The following PNLIP variants were observed in gnomAD, a reference collection of about 807,000 sequenced individuals.
PNLIP encodes pancreatic lipase.
Under a neutral mutation model 57.1 loss-of-function variants are expected in PNLIP, and 49 were observed. The observed-to-expected ratio is 0.86, with a 90% CI of 0.68 to 1.09. The LOEUF (loss-of-function observed/expected upper bound fraction) is 1.09. Among genes scored for constraint, PNLIP ranks in the 50% least tolerant of loss-of-function variants. The probability of loss-of-function intolerance (pLI) is 0.00; values close to 1 mark genes in which losing one functional copy is unlikely to be tolerated. For synonymous variants in PNLIP, 209 were observed against 200.4 expected, an observed-to-expected ratio of 1.04 and a Z score of -0.36; for missense variants, 503 against 570.2, an observed-to-expected ratio of 0.88 and a Z score of 1.20.
intron 10 of PNLIP, among the ~76,000 whole-genome samples, chr10:116,559,506 T>C (rs75125496): frequency 0.012 from 1,871 of 152,314 alleles, 42 homozygotes; most frequent in African/African-American, 0.042. Context: ...AGTTTCTTCA[T>C]ATTTGATTCT....
chr10:116,548,543 A>G, intron 4 of PNLIP, 61 bp downstream of exon 4: 6 of 1,571,942 alleles, frequency 3.8e-6, no homozygotes, highest in Non-Finnish European at 5.2e-6. Context: ...ACAAACGGTA[A>G]GGCACTGGCC....
At chr10:116,556,871 G>A (rs1847259329) in intron 9 of PNLIP, among the ~76,000 whole-genome samples, 1 of 152,180 alleles carries the variant, frequency 6.6e-6, no homozygotes. Context: ...ATACCTTAGT[G>A]ATTAAGAGAG....
chr10:116,553,349 C>T (rs1468274896), intron 5 of PNLIP, among the ~76,000 whole-genome samples: 2 of 152,338 alleles, frequency 1.3e-5, no homozygotes, highest in Non-Finnish European at 2.9e-5. Flanking sequence ...AGGTGGTTAG[C>T]CCACCTTGGC....
intron 9 of PNLIP, among the ~76,000 whole-genome samples, chr10:116,556,785 A>C (rs1466322036): frequency 6.6e-6 from 1 of 152,098 alleles, no homozygotes; most frequent in Non-Finnish European, 1.5e-5. Context: ...TGAAATAAAA[A>C]TTTAAAACCT....
intron 2 of PNLIP, among the ~76,000 whole-genome samples, chr10:116,546,468 CAAGTT>C (rs1311332918): frequency 1.1e-4 from 17 of 152,270 alleles, no homozygotes; most frequent in African/African-American, 2.9e-4. Flanking sequence ...GACATCAAGT[CAAGTT>C]AAGAGTTTGA....
chr10:116,565,201 G>A (rs1847351982), intron 12 of PNLIP, among the ~76,000 whole-genome samples: 1 of 121,562 alleles, frequency 8.2e-6, no homozygotes, highest in Non-Finnish European at 1.6e-5. Context: ...AGTGAGCCAA[G>A]ATCGCACCAC....
chr10:116,560,207 C>A (rs1451511915), intron 10 of PNLIP, among the ~76,000 whole-genome samples: 1 of 151,302 alleles, frequency 6.6e-6, no homozygotes, highest in African/African-American at 2.4e-5. Context: ...TTCTGCAAAG[C>A]CCCTATTACC....
At position 116,555,420 on chromosome 10, in the gene PNLIP, G is replaced by A. The variant is rs1360662325; in HGVS notation, c.724G>A (p.Asp242Asn). The change falls in exon 8 of 13, where the codon GAT becomes AAT. Residue 242 changes from aspartate to asparagine, a missense_variant. Physicochemically the swap from Asp to Asn is conservative, Grantham distance 23 (BLOSUM62 1). Coordinates refer to ENST00000369221, the MANE Select transcript of PNLIP (RefSeq NM_000936.4). ...AATGAGCCAAGTCGTGGGCCACCTA[G>A]ATTTCTTTCCAAATGGAGGAGTGGA... is the stretch of plus-strand genomic sequence containing the variant. ...FGMSQVVGHL[D>N]FFPNGGVEMP... The A allele has an allele frequency of 5.6e-6, 9 of 1,614,048 alleles. No individual in the cohort carries two copies. Among genetic ancestry groups the A allele is most frequent in the Non-Finnish European group, 7.6e-6 (9 of 1,180,026 alleles).
intron 12 of PNLIP, among the ~76,000 whole-genome samples, chr10:116,563,085 A>T (rs1367598683): frequency 1.3e-5 from 2 of 152,206 alleles, no homozygotes; most frequent in African/African-American, 4.8e-5. Context: ...ACTGACATAG[A>T]TGTTACATTA....
intron 12 of PNLIP, among the ~76,000 whole-genome samples, chr10:116,567,471 C>G (rs1171440946): frequency 3.3e-5 from 5 of 152,190 alleles, no homozygotes; most frequent in Non-Finnish European, 4.4e-5. Flanking sequence ...TCAGTGACTG[C>G]TCATGACAAA....
At chr10:116,550,053 CTTTTTTT>C (rs1176488381) in intron 4 of PNLIP, among the ~76,000 whole-genome samples, 9 of 98,918 alleles carry the variant, frequency 9.1e-5, no homozygotes, top group East Asian at 3.0e-4. Flanking sequence ...TTCTCAAATT[CTTTTTTT>C]TTTTTTTTTT....
At chr10:116,549,523 C>G (rs555658955) in intron 4 of PNLIP, among the ~76,000 whole-genome samples, 1 of 151,640 alleles carries the variant, frequency 6.6e-6, no homozygotes, top group Non-Finnish European at 1.5e-5. Context: ...TAAGCCCATA[C>G]AGTTTCAGGT....
chr10:116,559,735 A>C (rs1235593403), intron 10 of PNLIP, among the ~76,000 whole-genome samples: 1 of 152,142 alleles, frequency 6.6e-6, no homozygotes, highest in Non-Finnish European at 1.5e-5. Context: ...GAGTGGTAGG[A>C]ATGGGAACAG....
chr10:116,546,134 A>G lies in PNLIP; in HGVS notation c.42A>G (p.Val14=). 2.5e-6 allele frequency: 4 copies of G among 1,613,068 alleles called. No individual in the cohort carries two copies. Among genetic ancestry groups the G allele is most frequent in the Non-Finnish European group, 2.5e-6 (3 of 1,179,002 alleles). The part of the protein sequence containing the change: ...LWTLSLLLGA[V]AGKEVCYERL... ...CTCTTTCACTGCTGCTGGGAGCAGT[A>G]GCAGGTAAGAAAACAAATAAATGTT... is the stretch of plus-strand genomic sequence containing the variant. Residue 14 remains valine, a synonymous_variant, in exon 2 of 13, where the codon GTA becomes GTG. Coordinates refer to ENST00000369221, the MANE Select transcript of PNLIP (RefSeq NM_000936.4).
rs1564728829 is a variant in PNLIP at position 116,567,144 on chromosome 10, CTTCTCTTTCTTTCTTTTCTTTCT to C, written c.1335-564_1335-542del. On this transcript the variant is annotated intron_variant, in intron 12 of 12. Transcript: ENST00000369221. ...TTCTCTTTCTTTCTTTCTTTCTTTT[CTTCTCTTTCTTTCTTTTCTTTCT>C]TTCTCTTTCTTTCTTTTCTTTCTTT... Among the ~76,000 whole-genome samples the C allele has an allele frequency of 6.7e-4, 86 of 128,960 alleles. No homozygotes were observed. In the Middle Eastern group the frequency reaches 0.017, roughly 26 times the overall value. The allele number at this position is 128,960 out of a possible 152,430, so 84.6% of individuals were successfully genotyped here.
intron 9 of PNLIP, among the ~76,000 whole-genome samples, chr10:116,556,717 AT>A (rs1847257888): frequency 6.6e-6 from 1 of 151,618 alleles, no homozygotes; most frequent in Non-Finnish European, 1.5e-5. Flanking sequence ...AATATGACAT[AT>A]CTATTGTCTG....
At chr10:116,547,196 G>A in intron 2 of PNLIP, 98 bp from the exon 3 acceptor site, 1 of 1,153,354 alleles carries the variant, frequency 8.7e-7, no homozygotes, top group Non-Finnish European at 1.3e-6. Flanking sequence ...AGCAGAGGAG[G>A]AAAGTCTACC....
intron 8 of PNLIP, 111 bp downstream of exon 8, chr10:116,555,618 A>G (rs1044098481): frequency 3.3e-5 from 40 of 1,210,750 alleles, no homozygotes; most frequent in Middle Eastern, 2.6e-4. Context: ...TTACATAACA[A>G]AAGACTTTTA....
At chr10:116,560,375 T>C in intron 10 of PNLIP, 41 bp from the exon 11 acceptor site, 1 of 1,034,678 alleles carries the variant, frequency 9.7e-7, no homozygotes, top group Non-Finnish European at 1.5e-6. Context: ...TTAGTGTCTT[T>C]TATCTCCAAA....
Sources: allele counts gnomAD v4.1 joint callset (sites outside exome capture counted in the v4.1 genomes callset), GRCh38; gene constraint gnomAD v4.1.1; transcripts MANE v1.5; gene names NCBI Gene and HGNC (gene_info 2026-07-23, HGNC 2026-07-21).